MAGEB10: variants seen among roughly 807,000 people sequenced by gnomAD.
MAGEB10 encodes the protein melanoma-associated antigen B10.
For missense variants in MAGEB10, 190 were observed against 261.9 expected (o/e 0.73, Z 1.89); for synonymous variants, 99 against 101.0 (o/e 0.98, Z 0.12).
chrX:27,811,438 TG>T (rs1923680801), intron 1 of MAGEB10, among the ~76,000 whole-genome samples: 1 of 111,628 alleles, frequency 9.0e-6, no homozygotes, highest in Admixed American at 9.5e-5. Flanking sequence ...ATTTCTTGTC[TG>T]GGGAGTCAAG....
chrX:27,811,362 G>C (rs147671021), intron 1 of MAGEB10, among the ~76,000 whole-genome samples: 1,140 of 111,183 alleles, frequency 0.01, 6 homozygotes, highest in Non-Finnish European at 0.017. Flanking sequence ...GGGTCTCACC[G>C]ATCTCTGCAT....
In MAGEB10 at chrX:27,821,489, C is replaced by T. The variant is rs747106687; in HGVS notation, c.183C>T (p.Pro61=). 2 of 1,211,309 alleles carry T rather than the reference C, an allele frequency of 1.7e-6. No homozygotes were observed. Among genetic ancestry groups the T allele is most frequent in the South Asian group, 1.8e-5 (1 of 56,898 alleles). ...QSSLDGASNN[P]HGLREAQSTS... is the part of the protein sequence containing the mutation. ...CACTTGATGGGGCATCCAACAATCCCCATGGACTTCGGGAAGCCCAATCCA... is the reference window on the plus strand; with the variant it reads ...CACTTGATGGGGCATCCAACAATCCTCATGGACTTCGGGAAGCCCAATCCA... Residue 61 remains proline, a synonymous_variant, in exon 3 of 3, where the codon CCC becomes CCT. Transcript: ENST00000356790.
At position 27,821,572 on chromosome X, in the gene MAGEB10, A is replaced by G; in HGVS notation, c.266A>G (p.Gln89Arg). 3 of 1,210,344 alleles carry G rather than the reference A, an allele frequency of 2.5e-6. No individual in the cohort carries two copies. The highest frequency in any genetic ancestry group is 3.4e-6 in the Non-Finnish European group (3 of 894,748). The change falls in exon 3 of 3, where the codon CAA becomes CGA. Residue 89 changes from glutamine (Q) to arginine (R), a missense_variant. By Grantham distance (43) the Gln-to-Arg change is conservative. Coordinates refer to ENST00000356790, the MANE Select transcript of MAGEB10 (RefSeq NM_182506.3). Reference protein sequence around the residue: ...HTRHPEGVNDQMEERPICTQD... With the variant: ...HTRHPEGVNDRMEERPICTQD... ...AGACATCCCGAAGGAGTCAACGACCAAATGGAAGAAAGGCCAATATGCACA... is the reference window on the plus strand; with the variant it reads ...AGACATCCCGAAGGAGTCAACGACCGAATGGAAGAAAGGCCAATATGCACA...
At chrX:27,815,095 G>T (rs761983049) in intron 1 of MAGEB10, among the ~76,000 whole-genome samples, 1 of 111,868 alleles carries the variant, frequency 8.9e-6, no homozygotes, top group South Asian at 3.8e-4. Flanking sequence ...ACCAGATCCA[G>T]CACTTCCCAA....
At chrX:27,818,186 C>A (rs1488517709) in intron 2 of MAGEB10, among the ~76,000 whole-genome samples, 1 of 110,857 alleles carries the variant, frequency 9.0e-6, no homozygotes, top group Non-Finnish European at 1.9e-5. Flanking sequence ...TACCCTGCGT[C>A]AATTAATACC....
intron 1 of MAGEB10, among the ~76,000 whole-genome samples, chrX:27,813,523 G>C (rs1426500788): frequency 1.8e-5 from 2 of 111,873 alleles, no homozygotes; most frequent in African/African-American, 6.5e-5. Context: ...GGATAAACAA[G>C]ACCCAAGGGC....
chrX:27,819,081 G>T (rs1240659307), intron 2 of MAGEB10, among the ~76,000 whole-genome samples: 2 of 110,929 alleles, frequency 1.8e-5, no homozygotes, highest in Admixed American at 1.9e-4. Context: ...ACATTTCTAA[G>T]CCAATGCCTC....
chrX:27,809,330 G>A (rs1318502974), intron 1 of MAGEB10, among the ~76,000 whole-genome samples: 1 of 101,082 alleles, frequency 9.9e-6, no homozygotes, highest in Non-Finnish European at 2.0e-5. Flanking sequence ...CTTCCTTCCC[G>A]TGGGGCAGGG....
rs73538232 is a variant in MAGEB10, at chrX:27,821,425, C to G, written c.119C>G (p.Pro40Arg). ...TTAGAAGAGGAGGAAGAATCTCCCCCCTCTGCCTCTGCTTGTTTGAAGGAT... is the reference window on the plus strand; with the variant it reads ...TTAGAAGAGGAGGAAGAATCTCCCCGCTCTGCCTCTGCTTGTTTGAAGGAT... Reference protein sequence around the residue: ...DILEEEEESPPSASACLKDVF... With the variant: ...DILEEEEESPRSASACLKDVF... The change falls in exon 3 of 3, where the codon CCC becomes CGC. Residue 40 changes from proline (P) to arginine (R), a missense_variant. Physicochemically the swap from Pro to Arg is moderately radical, Grantham distance 103. Coordinates refer to ENST00000356790, the MANE Select transcript of MAGEB10 (RefSeq NM_182506.3). 26 of 1,209,170 alleles carry G rather than the reference C, an allele frequency of 2.2e-5. No homozygotes were observed. The highest frequency in any genetic ancestry group is 1.1e-4 in the African/African-American group (6 of 56,881).
At chrX:27,814,899 G>T (rs998205757) in intron 1 of MAGEB10, among the ~76,000 whole-genome samples, 1 of 112,243 alleles carries the variant, frequency 8.9e-6, no homozygotes, top group Non-Finnish European at 1.9e-5. Context: ...ACTGCACTGT[G>T]TCTCTAGGCA....
intron 1 of MAGEB10, among the ~76,000 whole-genome samples, chrX:27,813,329 A>G (rs945209588): frequency 8.9e-6 from 1 of 112,238 alleles, no homozygotes; most frequent in African/African-American, 3.3e-5. Context: ...TCATTCCGTT[A>G]TGTTTAGTCT....
At chrX:27,820,736 G>T (rs946971534) in intron 2 of MAGEB10, among the ~76,000 whole-genome samples, 1 of 111,216 alleles carries the variant, frequency 9.0e-6, no homozygotes, top group Non-Finnish European at 1.9e-5. Flanking sequence ...CAGAAGCCAA[G>T]GTGAAAACCC....
chrX:27,821,244 C>A lies in MAGEB10; in HGVS notation c.-49-14C>A. 1 of 1,007,153 alleles carries A rather than the reference C, an allele frequency of 9.9e-7. No individual in the cohort carries two copies. The highest frequency in any genetic ancestry group is 1.4e-6 in the Non-Finnish European group (1 of 727,536). The allele number at this position is 1,007,153 out of a possible 1,213,427, so 83.0% of individuals were successfully genotyped here. Reference sequence around the variant, plus strand: ...GCTGAATGGGCACACCCCATTTCATCTTCTCTTCTCCAGGTCACGGGATCA... The same window carrying A: ...GCTGAATGGGCACACCCCATTTCATATTCTCTTCTCCAGGTCACGGGATCA... On this transcript the variant is annotated splice_polypyrimidine_tract_variant and intron_variant, in intron 2 of 2. Coordinates refer to ENST00000356790, the MANE Select transcript of MAGEB10 (RefSeq NM_182506.3).
intron 2 of MAGEB10, among the ~76,000 whole-genome samples, chrX:27,818,494 A>G (rs1923822911): frequency 2.7e-5 from 3 of 111,738 alleles, no homozygotes; most frequent in Non-Finnish European, 1.9e-5. Context: ...ATTTCCTGAG[A>G]CGAACTACCT....
chrX:27,822,226 A>G lies in MAGEB10; in HGVS notation c.920A>G (p.Tyr307Cys). Residue 307 changes from tyrosine (Y) to cysteine (C), a missense_variant, in exon 3 of 3, where the codon TAT becomes TGT. Coordinates refer to ENST00000356790, the MANE Select transcript of MAGEB10 (RefSeq NM_182506.3). ...GCTCCCAGTGAATTCTCAAACTGGT[A>G]TACAGAGGCTTTACAAGATGAGGAA... ...DTAPSEFSNW[Y>C]TEALQDEEER... 1 of 1,211,619 alleles carries G rather than the reference A, an allele frequency of 8.3e-7. No homozygotes were observed.
chrX:27,808,457 C>T (rs1923589450), intron 1 of MAGEB10, among the ~76,000 whole-genome samples: 1 of 111,859 alleles, frequency 8.9e-6, no homozygotes, highest in Non-Finnish European at 1.9e-5. Flanking sequence ...CACACACTTC[C>T]GCTTCTGCCG....
chrX:27,812,813 G>C (rs1923716956), intron 1 of MAGEB10: 1 of 331,079 alleles, frequency 3.0e-6, no homozygotes, highest in South Asian at 3.2e-5. Flanking sequence ...AAGAGGCTTT[G>C]AAAGATGTGG....
rs1923882715 is a variant in MAGEB10 at position 27,821,404 on chromosome X, A to G, written c.98A>G (p.Glu33Gly). 2.5e-6 allele frequency: 3 copies of G among 1,210,679 alleles called. No homozygotes were observed. In the South Asian group the frequency reaches 5.3e-5, roughly 21 times the overall value. Residue 33 changes from glutamate to glycine, a missense_variant, in exon 3 of 3, where the codon GAA becomes GGA. Physicochemically the swap from Glu to Gly is moderately conservative, Grantham distance 98. Coordinates refer to ENST00000356790, the MANE Select transcript of MAGEB10 (RefSeq NM_182506.3). Reference protein sequence around the residue: ...EDLIDALDILEEEEESPPSAS... With the variant: ...EDLIDALDILGEEEESPPSAS... Reference sequence around the variant, plus strand: ...TTGATAGATGCTCTGGACATTTTAGAAGAGGAGGAAGAATCTCCCCCCTCT... The same window carrying G: ...TTGATAGATGCTCTGGACATTTTAGGAGAGGAGGAAGAATCTCCCCCCTCT...
chrX:27,816,891 T>C (rs1430056020), intron 1 of MAGEB10, among the ~76,000 whole-genome samples: 4 of 111,337 alleles, frequency 3.6e-5, no homozygotes, highest in Admixed American at 2.9e-4. Flanking sequence ...CTCATCCACT[T>C]TGTGTCTTGC....
Sources: gnomAD v4.1 joint callset for allele counts (sites outside exome capture counted in the v4.1 genomes callset) on GRCh38, gnomAD v4.1.1 for gene constraint, MANE v1.5 for transcripts, NCBI Gene and HGNC (gene_info 2026-07-23, HGNC 2026-07-21) for gene names.